Variants in DOC2B observed in about 807,000 individuals in gnomAD.
The protein encoded by DOC2B is double C2 domain beta.
Under a neutral mutation model 28.9 loss-of-function variants are expected in DOC2B, and 21 were observed. The observed-to-expected ratio is 0.73, with a 90% confidence interval of 0.52 to 1.05. The LOEUF (loss-of-function observed/expected upper bound fraction) is 1.05, where lower values mean the gene tolerates loss of function less well. DOC2B is among the 50% of genes least tolerant of loss of function. The probability of loss-of-function intolerance (pLI) is 0.00; values close to 1 mark genes in which losing one functional copy is unlikely to be tolerated. For synonymous variants in DOC2B, 194 were observed against 178.1 expected (o/e 1.09, Z -0.71); for missense variants, 384 against 421.1 (o/e 0.91, Z 0.77).
chr17:177,026 T>A (rs1290089803), intron 1 of DOC2B, among the ~76,000 whole-genome samples: 1 of 120,472 alleles, frequency 8.3e-6, no homozygotes, highest in Non-Finnish European at 1.7e-5. Flanking sequence ...AAATCTGCCC[T>A]GATTTTTTTT....
chr17:162,863 G>A (rs949628664), intron 3 of DOC2B, among the ~76,000 whole-genome samples: 14 of 152,258 alleles, frequency 9.2e-5, no homozygotes, highest in East Asian at 1.9e-4. Flanking sequence ...AACCCATCCC[G>A]TCCTTGGGTC....
Position 144,587 on chromosome 17 carries a change from G to A in DOC2B, c.*2854C>T, listed in dbSNP as rs1212459243. 1 of 152,240 alleles carries A rather than the reference G, an allele frequency of 6.6e-6. No homozygotes were observed. The highest frequency in any genetic ancestry group is 1.9e-4 in the East Asian group (1 of 5,196). The allele number at this position is 152,240 out of a possible 1,614,324, so 9.4% of individuals were successfully genotyped here. On this transcript the variant is annotated 3_prime_UTR_variant, in exon 9 of 9. Coordinates refer to ENST00000613549, the MANE Select transcript of DOC2B (RefSeq NM_003585.5). ...GCTTTAACAGAAAGACAATCTGCAC[G>A]GGATCTAAAAGGGTGCTGAGATCCT... is the stretch of plus-strand genomic sequence containing the variant.
chr17:155,993 A>C, intron 6 of DOC2B: 1 of 564,914 alleles, frequency 1.8e-6, no homozygotes, highest in African/African-American at 1.9e-5. Context: ...TACCTGCATG[A>C]CCCTGGGAAG....
chr17:169,839 CTACAGAACTGGATT>C (rs1361768965), intron 2 of DOC2B, among the ~76,000 whole-genome samples: 1 of 152,170 alleles, frequency 6.6e-6, no homozygotes, highest in African/African-American at 2.4e-5. Context: ...CACCCCTTCC[CTACAGAACTGGATT>C]TACACAGAGA....
At chr17:178,809 A>G (rs1298393622) in intron 1 of DOC2B, among the ~76,000 whole-genome samples, 1 of 152,242 alleles carries the variant, frequency 6.6e-6, no homozygotes, top group African/African-American at 2.4e-5. Flanking sequence ...TAATCCAATA[A>G]TTAGGGCAGC....
In DOC2B at chr17:156,205, G is replaced by T. The variant is rs148678965; in HGVS notation, c.923+15C>A. ...GTGAAGACGTGGCAGGTGGTCACGC[G>T]CACGGCACACTCACGTTTTCACGTA... On this transcript the variant is annotated intron_variant, in intron 6 of 8. Transcript: ENST00000613549. 2 of 1,541,048 alleles carry T rather than the reference G, an allele frequency of 1.3e-6. No homozygotes were observed. Among genetic ancestry groups the T allele is most frequent in the South Asian group, 2.4e-5 (2 of 83,396 alleles).
rs563369420 is a variant in DOC2B, at chr17:181,411, G to A, written c.69C>T (p.Cys23=). ...SIQEHMAIDV[C]PGPIRPIKQI... is the part of the protein sequence containing the mutation. The stretch of plus-strand genomic sequence containing the variant: ...GCTTGATGGGACGGATGGGGCCGGG[G>A]CACACGTCGATGGCCATATGCTCCT... Residue 23 remains cysteine (C), a synonymous_variant, in exon 1 of 9, where the codon TGC becomes TGT. Transcript: ENST00000613549. This position sits in a 1 kb window ranked among gnomAD's most constrained non-coding sequence, Gnocchi z 7.0. 201 of 1,188,290 alleles carry A rather than the reference G, an allele frequency of 1.7e-4. No individual in the cohort carries two copies. Among genetic ancestry groups the A allele is most frequent in the Non-Finnish European group, 2.0e-4 (188 of 947,456 alleles). 73.6% of individuals were successfully genotyped at this position (1,188,290 alleles called of 1,614,324 possible).
chr17:176,933 C>A (rs1050628973), intron 1 of DOC2B, among the ~76,000 whole-genome samples: 3 of 152,130 alleles, frequency 2.0e-5, no homozygotes, highest in Admixed American at 6.5e-5. Context: ...GGCCGAGCAC[C>A]CCCTGCTTGG....
At chr17:170,861 G>A (rs1405917882) in intron 2 of DOC2B, among the ~76,000 whole-genome samples, 16 of 46,222 alleles carry the variant, frequency 3.5e-4, no homozygotes, top group African/African-American at 1.2e-3. Flanking sequence ...ACCAGGGGCC[G>A]GGCCAGGCTG....
intron 1 of DOC2B, among the ~76,000 whole-genome samples, chr17:174,502 G>A (rs917319159): frequency 6.6e-6 from 1 of 152,136 alleles, no homozygotes; most frequent in African/African-American, 2.4e-5. Context: ...TTCCCTCCCT[G>A]CCTTTGGGAA....
At chr17:148,334 G>A (rs2040037103) in intron 7 of DOC2B, 65 bp from the exon 8 acceptor site, 4 of 398,456 alleles carry the variant, frequency 1.0e-5, no homozygotes, top group Non-Finnish European at 1.8e-5. Flanking sequence ...GGGCCAGGAG[G>A]GGTATGAGGT....
intron 6 of DOC2B, chr17:155,975 ATAAC>A: frequency 1.9e-6 from 1 of 531,678 alleles, no homozygotes; most frequent in Non-Finnish European, 3.3e-6. Context: ...GCATCAGGTG[ATAAC>A]TAATACCTGC....
At position 178,844 on chromosome 17, in the gene DOC2B, C is replaced by T. The variant is rs562715241; in HGVS notation, c.373+2263G>A. On this transcript the variant is annotated intron_variant, in intron 1 of 8. Coordinates refer to ENST00000613549, the MANE Select transcript of DOC2B (RefSeq NM_003585.5). Reference sequence around the variant, plus strand: ...CAAATAGCATAACCCTGGCTAAAGCCGTAATGAACCATCTGGCTTGAATCA... The same window carrying T: ...CAAATAGCATAACCCTGGCTAAAGCTGTAATGAACCATCTGGCTTGAATCA... Among the ~76,000 whole-genome samples, 8 of 152,316 alleles carry T rather than the reference C, an allele frequency of 5.3e-5. No homozygotes were observed. The East Asian group carries it at 9.7e-4, about 18-fold the overall frequency.
At chr17:160,404 CT>C (rs1567531859) in intron 5 of DOC2B, among the ~76,000 whole-genome samples, 1 of 152,214 alleles carries the variant, frequency 6.6e-6, no homozygotes, top group African/African-American at 2.4e-5. Flanking sequence ...GCAAAAGTAA[CT>C]GGGATTCTGG....
intron 1 of DOC2B, among the ~76,000 whole-genome samples, chr17:175,155 T>C (rs1308001684): frequency 6.6e-6 from 1 of 152,192 alleles, no homozygotes; most frequent in African/African-American, 2.4e-5. Context: ...GGAGGACCGC[T>C]TGAGCCCAGG....
At chr17:176,894 C>A (rs1197225467) in intron 1 of DOC2B, among the ~76,000 whole-genome samples, 2 of 152,292 alleles carry the variant, frequency 1.3e-5, no homozygotes, top group African/African-American at 4.8e-5. Flanking sequence ...CAGAGAAAAT[C>A]AAGCTCAAGC....
chr17:156,398 TC>T (rs1399719843), intron 5 of DOC2B, 21 bp from the exon 6 acceptor site: 22 of 1,550,512 alleles, frequency 1.4e-5, no homozygotes, highest in Non-Finnish European at 1.9e-5. Flanking sequence ...GGACGGTCAC[TC>T]AGTCCTCACC....
Position 147,327 on chromosome 17 carries a change from G to T in DOC2B, c.*114C>A, listed in dbSNP as rs1006840264. 2.5e-6 allele frequency: 1 copy of T among 397,680 alleles called. No homozygotes were observed. 24.6% of individuals were successfully genotyped at this position (397,680 alleles called of 1,614,324 possible). The stretch of plus-strand genomic sequence containing the variant: ...CTGCAGTGGCTCTGTGTCCAAGCAG[G>T]GGTTCTGGATCTCCCCCAGTGTGGG... On this transcript the variant is annotated 3_prime_UTR_variant, in exon 9 of 9. Transcript: ENST00000613549.
At chr17:153,903 T>C (rs1227371753) in intron 6 of DOC2B, among the ~76,000 whole-genome samples, 2 of 152,210 alleles carry the variant, frequency 1.3e-5, no homozygotes, top group East Asian at 3.8e-4. Flanking sequence ...TTATTCATTT[T>C]TAACTTCATA....
Sources: allele counts gnomAD v4.1 joint callset (sites outside exome capture counted in the v4.1 genomes callset), GRCh38; gene constraint gnomAD v4.1.1; non-coding constraint Gnocchi (gnomAD v3.1); transcripts MANE v1.5; gene names NCBI Gene and HGNC (gene_info 2026-07-23, HGNC 2026-07-21).